The following ZNF462 variants were observed in gnomAD, a reference collection of about 807,000 sequenced individuals.
ZNF462 encodes the protein zinc finger protein 462, also known as zinc finger PBX1-interacting protein.
Under a neutral mutation model 201.9 loss-of-function variants are expected in ZNF462, and 10 were observed. The ratio of observed to expected loss-of-function variants is 0.05; its 90% CI spans 0.03 to 0.08. The LOEUF is 0.08. Ranked by LOEUF, ZNF462 falls within the 10% of genes least tolerant of loss-of-function variation. The pLI, the probability that ZNF462 is intolerant of heterozygous loss-of-function variation, is 1.00. For missense variants in ZNF462, 2,523 were observed against 3,168.3 expected (o/e 0.80, Z 4.89); for synonymous variants, 1,227 against 1,193.3 (o/e 1.03, Z -0.58).
At chr9:106,992,191 A>G (rs564463148) in intron 10 of ZNF462, among the ~76,000 whole-genome samples, 1 of 152,210 alleles carries the variant, frequency 6.6e-6, no homozygotes, top group South Asian at 2.1e-4. Flanking sequence ...ATTTGAATAG[A>G]CACCTTACCA....
chr9:106,864,045 T>G (rs7858107), intron 1 of ZNF462, among the ~76,000 whole-genome samples: 2,271 of 31,576 alleles, frequency 0.072, 18 homozygotes, highest in Non-Finnish European at 0.091. Context: ...TTTGGCTCTC[T>G]CTCTCTCTCT....
rs1405115772 is a variant in ZNF462, at chr9:106,954,023, C to T, written c.6427+14916C>T. ...ATCTCTTACCTAAGCCATTAATTAC[C>T]ATGTTTATCCCACCTGCAAAGTCCT... is the stretch of plus-strand genomic sequence containing the variant. On this transcript the variant is annotated intron_variant, in intron 7 of 12. Transcript: ENST00000277225. The surrounding 1 kb of genome is among the most constrained non-coding windows in gnomAD (Gnocchi z 4.0). Among the ~76,000 whole-genome samples the T allele has an allele frequency of 6.6e-6, 1 of 152,126 alleles. No homozygotes were observed. Among genetic ancestry groups the T allele is most frequent in the Non-Finnish European group, 1.5e-5 (1 of 68,028 alleles).
Position 106,880,449 on chromosome 9 carries a change from A to G in ZNF462, c.-31+17094A>G, listed in dbSNP as rs889016560. Among the ~76,000 whole-genome samples, 3 of 152,342 alleles carry G rather than the reference A, an allele frequency of 2.0e-5. No individual in the cohort carries two copies. The East Asian group carries it at 5.8e-4, about 29-fold the overall frequency. ...GGCTAAATGTAGGTACGAGGGCTGC[A>G]TTAAACCAGTGAGAAGTCCAAGGCT... On this transcript the variant is annotated intron_variant, in intron 1 of 12. Coordinates refer to ENST00000277225, the MANE Select transcript of ZNF462 (RefSeq NM_021224.6). The surrounding 1 kb of genome is among the most constrained non-coding windows in gnomAD (Gnocchi z 4.1).
chr9:107,002,690 G>A (rs1330375325), intron 10 of ZNF462, among the ~76,000 whole-genome samples: 1 of 152,138 alleles, frequency 6.6e-6, no homozygotes, highest in Non-Finnish European at 1.5e-5. Context: ...GATAATCCCA[G>A]CCTTGATACA....
chr9:106,871,951 T>C (rs1827610173), intron 1 of ZNF462, among the ~76,000 whole-genome samples: 1 of 152,218 alleles, frequency 6.6e-6, no homozygotes, highest in Admixed American at 6.5e-5. Context: ...CTATGACTAC[T>C]ACCTGGCGTC....
rs1830275913 is a variant in ZNF462 at position 106,928,111 on chromosome 9, A to T, written c.4199A>T (p.Glu1400Val). The T allele has an allele frequency of 1.2e-6, 2 of 1,614,204 alleles. No homozygotes were observed. The highest frequency in any genetic ancestry group is 1.7e-6 in the Non-Finnish European group (2 of 1,180,046). The stretch of plus-strand genomic sequence containing the variant: ...CACCCCTGGGCCATGAATGGTGATG[A>T]GTCAGTGCTACTGGACATCATCAAG... The part of the protein sequence containing the change: ...AFHPWAMNGD[E>V]SVLLDIIKEK... The change falls in exon 3 of 13, where the codon GAG (glutamate) becomes GTG (valine). Residue 1400 changes from glutamate (E) to valine (V), a missense_variant. Coordinates refer to ENST00000277225, the MANE Select transcript of ZNF462 (RefSeq NM_021224.6). The surrounding 1 kb of genome is among the most constrained non-coding windows in gnomAD (Gnocchi z 9.3).
In ZNF462 at chr9:106,927,938, C is replaced by T. The variant is rs144500319; in HGVS notation, c.4026C>T (p.Tyr1342=). The T allele has an allele frequency of 1.9e-6, 3 of 1,614,186 alleles. No homozygotes were observed. The highest frequency in any genetic ancestry group is 2.5e-6 in the Non-Finnish European group (3 of 1,180,036). Residue 1342 remains tyrosine (Y), a synonymous_variant, in exon 3 of 13, where the codon TAC becomes TAT. Coordinates refer to ENST00000277225, the MANE Select transcript of ZNF462 (RefSeq NM_021224.6). The part of the protein sequence containing the change: ...QRRHPEHYVD[Y]TYMATKLWAG... ...GGCATCCAGAACACTATGTTGATTA[C>T]ACCTACATGGCTACTAAACTGTGGG...
rs550579320 is a variant in ZNF462 at position 106,962,507 on chromosome 9, G to T, written c.6428-9498G>T. On this transcript the variant is annotated intron_variant, in intron 7 of 12. Coordinates refer to ENST00000277225, the MANE Select transcript of ZNF462 (RefSeq NM_021224.6). The surrounding 1 kb of genome is among the most constrained non-coding windows in gnomAD (Gnocchi z 4.6). ...CAAAAATATAAAGAAAAAACATGAG[G>T]CTTCACACAAAATAAGGTCTTTGAG... Among the ~76,000 whole-genome samples, 1 of 151,882 alleles carries T rather than the reference G, an allele frequency of 6.6e-6. No individual in the cohort carries two copies. The highest frequency in any genetic ancestry group is 2.4e-5 in the African/African-American group (1 of 41,340).
In ZNF462 at chr9:106,905,066, G is replaced by T. The variant is rs781761428; in HGVS notation, c.-30-18288G>T. On this transcript the variant is annotated intron_variant, in intron 1 of 12. Transcript: ENST00000277225. The surrounding 1 kb of genome is among the most constrained non-coding windows in gnomAD (Gnocchi z 5.9). Reference sequence around the variant, plus strand: ...TTTGGGTAGGCTCTGTCAGAGGGAAGGTCTATGGCTGAAGACTGTTGTTCA... The same window carrying T: ...TTTGGGTAGGCTCTGTCAGAGGGAATGTCTATGGCTGAAGACTGTTGTTCA... Among the ~76,000 whole-genome samples the T allele has an allele frequency of 6.6e-6, 1 of 152,146 alleles. No homozygotes were observed. The highest frequency in any genetic ancestry group is 1.5e-5 in the Non-Finnish European group (1 of 68,034).
Position 106,926,882 on chromosome 9 carries a change from T to C in ZNF462, c.2970T>C (p.Thr990=). The stretch of plus-strand genomic sequence containing the variant: ...ATTCGGCTCCCAAGAACATGGCGAC[T>C]TCCACACCTGTGGCTCGTGGTGGTG... The part of the protein sequence containing the change: ...ILNSAPKNMA[T]STPVARGGGL... Residue 990 remains threonine (T), a synonymous_variant, in exon 3 of 13, where the codon ACT becomes ACC. Coordinates refer to ENST00000277225, the MANE Select transcript of ZNF462 (RefSeq NM_021224.6). The surrounding 1 kb of genome is among the most constrained non-coding windows in gnomAD (Gnocchi z 7.9). The C allele has an allele frequency of 6.2e-7, 1 of 1,614,180 alleles. No homozygotes were observed. The highest frequency in any genetic ancestry group is 8.5e-7 in the Non-Finnish European group (1 of 1,180,036).
intron 1 of ZNF462, among the ~76,000 whole-genome samples, chr9:106,864,053 T>G (rs7858112): frequency 2.8e-3 from 166 of 60,010 alleles, no homozygotes; most frequent in African/African-American, 1.0e-2. Context: ...TCTCTCTCTC[T>G]CTCTCTCTCT....
intron 9 of ZNF462, among the ~76,000 whole-genome samples, chr9:106,982,025 TTCATG>T (rs761424394): frequency 1.5e-4 from 23 of 152,224 alleles, no homozygotes; most frequent in Non-Finnish European, 2.9e-4. Context: ...GCCAGTAAAG[TTCATG>T]TCAACACTTC....
intron 1 of ZNF462, among the ~76,000 whole-genome samples, chr9:106,869,748 C>G (rs1827506919): frequency 6.6e-6 from 1 of 151,980 alleles, no homozygotes; most frequent in South Asian, 2.1e-4. Context: ...CATGCCAGTA[C>G]TAAAGGAAGA....
Position 106,924,229 on chromosome 9 carries a change from A to G in ZNF462, c.317A>G (p.Lys106Arg), listed in dbSNP as rs761357212. Residue 106 changes from lysine to arginine, a missense_variant, in exon 3 of 13, where the codon AAG becomes AGG. Coordinates refer to ENST00000277225, the MANE Select transcript of ZNF462 (RefSeq NM_021224.6). The surrounding 1 kb of genome is among the most constrained non-coding windows in gnomAD (Gnocchi z 6.2). ...HIAANPKPTN[K>R]FFQCKFCVRY... ...GCCGCTAATCCCAAACCAACAAACA[A>G]GTTTTTTCAATGCAAGTTCTGTGTA... 1.2e-6 allele frequency: 2 copies of G among 1,614,156 alleles called. No homozygotes were observed. The highest frequency in any genetic ancestry group is 2.2e-5 in the East Asian group (1 of 44,878).
chr9:106,998,278 G>A (rs1307587633), intron 10 of ZNF462, among the ~76,000 whole-genome samples: 2 of 152,138 alleles, frequency 1.3e-5, no homozygotes, highest in Non-Finnish European at 2.9e-5. Flanking sequence ...TGTCCTATTT[G>A]ATGCCTGCAA....
At chr9:106,975,892 C>T (rs949045885) in intron 9 of ZNF462, 3 of 152,184 alleles carry the variant, frequency 2.0e-5, no homozygotes, top group Non-Finnish European at 2.9e-5. Flanking sequence ...ACAAATACTC[C>T]CATAGCATTC....
In ZNF462 at chr9:106,928,070, T is replaced by C; in HGVS notation, c.4158T>C (p.Asn1386=). 1 of 1,614,092 alleles carries C rather than the reference T, an allele frequency of 6.2e-7. No homozygotes were observed. The highest frequency in any genetic ancestry group is 8.5e-7 in the Non-Finnish European group (1 of 1,180,014). The part of the protein sequence containing the change: ...FEAVSIWDIT[N]HYQAFHPWAM... ...CTGTTTCCATCTGGGACATCACTAA[T>C]CACTACCAAGCATTCCACCCCTGGG... Residue 1386 remains asparagine, a synonymous_variant, in exon 3 of 13, where the codon AAT becomes AAC. Coordinates refer to ENST00000277225, the MANE Select transcript of ZNF462 (RefSeq NM_021224.6). The surrounding 1 kb of genome is among the most constrained non-coding windows in gnomAD (Gnocchi z 9.3).
At chr9:106,884,510 G>A (rs539450350) in intron 1 of ZNF462, among the ~76,000 whole-genome samples, 66 of 152,006 alleles carry the variant, frequency 4.3e-4, no homozygotes, top group Non-Finnish European at 7.8e-4. Flanking sequence ...ATGTCATCTC[G>A]GTGACAGGCT....
intron 7 of ZNF462, among the ~76,000 whole-genome samples, chr9:106,960,276 G>A (rs1024840508): frequency 2.0e-5 from 3 of 151,886 alleles, no homozygotes; most frequent in Non-Finnish European, 2.9e-5. Flanking sequence ...TGTTCCCTCC[G>A]GGCTCTCACA....
Sources: gnomAD v4.1 joint callset for allele counts (sites outside exome capture counted in the v4.1 genomes callset) on GRCh38, gnomAD v4.1.1 for gene constraint, Gnocchi (gnomAD v3.1) non-coding constraint, MANE v1.5 for transcripts, NCBI Gene and HGNC (gene_info 2026-07-23, HGNC 2026-07-21) for gene names.